PAK5: variants seen among roughly 807,000 people sequenced by gnomAD.
PAK5 encodes the protein p21 (RAC1) activated kinase 5.
Under a neutral mutation model 65.9 loss-of-function variants are expected in PAK5, and 16 were observed. The ratio of observed to expected loss-of-function variants is 0.24; its 90% CI spans 0.16 to 0.37. The LOEUF (loss-of-function observed/expected upper bound fraction) is 0.37. PAK5 is among the 10% of genes least tolerant of loss of function. The pLI is 1.00. For missense variants in PAK5, 785 were observed against 903.9 expected (o/e 0.87, Z 1.69); for synonymous variants, 371 against 354.9 (o/e 1.05, Z -0.51).
chr20:9,585,437 AAT>A lies in PAK5; in HGVS notation c.205-4509_205-4508del, dbSNP rs2046052323. The stretch of plus-strand genomic sequence containing the variant: ...CTTTAGACTCTTTTAGGCTAAACAA[AAT>A]ATTACCAGTAAGCAATGCAACGTTG... On this transcript the variant is annotated intron_variant, in intron 3 of 9. Coordinates refer to ENST00000353224, the MANE Select transcript of PAK5 (RefSeq NM_177990.4). 2.0e-5 allele frequency among the ~76,000 whole-genome samples: 3 copies of A among 152,340 alleles called. No homozygotes were observed. The South Asian group carries it at 6.2e-4, about 32-fold the overall frequency.
chr20:9,801,351 C>G (rs2049166497), intron 1 of PAK5, among the ~76,000 whole-genome samples: 3 of 151,780 alleles, frequency 2.0e-5, no homozygotes, highest in African/African-American at 7.3e-5. Context: ...ATATTTAAAT[C>G]TGGTTCTTAT....
intron 2 of PAK5, among the ~76,000 whole-genome samples, chr20:9,687,153 G>A (rs562839837): frequency 6.6e-6 from 1 of 152,250 alleles, no homozygotes; most frequent in Admixed American, 6.5e-5. Flanking sequence ...TGCTCAGGAT[G>A]GAAAAAAGAG....
intron 3 of PAK5, among the ~76,000 whole-genome samples, chr20:9,613,617 G>C (rs566067997): frequency 6.6e-6 from 1 of 152,222 alleles, no homozygotes; most frequent in African/African-American, 2.4e-5. Flanking sequence ...ATAGCATTTA[G>C]TTCTTAACAA....
chr20:9,553,818 G>A (rs2045467006), intron 7 of PAK5, among the ~76,000 whole-genome samples: 1 of 151,798 alleles, frequency 6.6e-6, no homozygotes, highest in Admixed American at 6.5e-5. Context: ...AAACATTTGT[G>A]TACATGTTTC....
intron 1 of PAK5, among the ~76,000 whole-genome samples, chr20:9,836,291 T>C (rs1408583167): frequency 1.3e-5 from 2 of 152,182 alleles, no homozygotes; most frequent in Admixed American, 1.3e-4. Flanking sequence ...AACCTGTGAA[T>C]ATGACGTTTA....
intron 3 of PAK5, among the ~76,000 whole-genome samples, chr20:9,616,615 G>A (rs2046661593): frequency 6.6e-6 from 1 of 152,200 alleles, no homozygotes; most frequent in South Asian, 2.1e-4. Flanking sequence ...AGCTCCCAGG[G>A]GATGCTGCTG....
chr20:9,659,652 G>A (rs939491499), intron 2 of PAK5, among the ~76,000 whole-genome samples: 2 of 152,150 alleles, frequency 1.3e-5, no homozygotes, highest in Non-Finnish European at 2.9e-5. Flanking sequence ...GGAATTTGCT[G>A]TTACGAGTAA....
intron 1 of PAK5, among the ~76,000 whole-genome samples, chr20:9,827,088 C>T (rs1345405594): frequency 6.6e-6 from 1 of 152,100 alleles, no homozygotes; most frequent in Non-Finnish European, 1.5e-5. Flanking sequence ...AGGGTTTAAT[C>T]TTTCTCTCTA....
At chr20:9,668,246 T>C (rs910860661) in intron 2 of PAK5, among the ~76,000 whole-genome samples, 2 of 152,160 alleles carry the variant, frequency 1.3e-5, no homozygotes, top group Non-Finnish European at 2.9e-5. Flanking sequence ...AAAGTGGTAA[T>C]AGAAACCTAA....
chr20:9,561,620 A>G (rs2045591597), intron 6 of PAK5, among the ~76,000 whole-genome samples: 1 of 152,064 alleles, frequency 6.6e-6, no homozygotes, highest in South Asian at 2.1e-4. Flanking sequence ...TTCAGTGGAG[A>G]AAAAACAGCA....
intron 6 of PAK5, among the ~76,000 whole-genome samples, chr20:9,559,095 G>A (rs899149267): frequency 6.6e-6 from 1 of 152,166 alleles, no homozygotes; most frequent in Admixed American, 6.5e-5. Flanking sequence ...GAATCTAGGT[G>A]AGAATTATTT....
At position 9,646,437 on chromosome 20, in the gene PAK5, A is replaced by G. The variant is rs149345332; in HGVS notation, c.-11-2098T>C. Among the ~76,000 whole-genome samples the G allele has an allele frequency of 6.8e-4, 104 of 152,358 alleles. 1 individual carries two copies. In the East Asian group the frequency reaches 0.019, roughly 27 times the overall value. On this transcript the variant is annotated intron_variant, in intron 2 of 9. Coordinates refer to ENST00000353224, the MANE Select transcript of PAK5 (RefSeq NM_177990.4). Reference sequence around the variant, plus strand: ...GTATAAGGACTTCAACTACCTTGATATATTACCTTTCCTGGAAAATATAGT... The same window carrying G: ...GTATAAGGACTTCAACTACCTTGATGTATTACCTTTCCTGGAAAATATAGT...
At chr20:9,650,236 C>G (rs1049740745) in intron 2 of PAK5, among the ~76,000 whole-genome samples, 4 of 152,190 alleles carry the variant, frequency 2.6e-5, no homozygotes, top group Non-Finnish European at 5.9e-5. Context: ...GTGGTTAATA[C>G]TGCTCATAAT....
intron 2 of PAK5, among the ~76,000 whole-genome samples, chr20:9,690,754 T>A (rs866136275): frequency 2.7e-5 from 3 of 109,794 alleles, no homozygotes; most frequent in Non-Finnish European, 5.2e-5. Context: ...TTCTTTCTTT[T>A]TTTTTTTTTT....
intron 2 of PAK5, among the ~76,000 whole-genome samples, chr20:9,691,333 G>A (rs1435772380): frequency 6.6e-6 from 1 of 152,162 alleles, no homozygotes; most frequent in Non-Finnish European, 1.5e-5. Context: ...GTGGGAGAGA[G>A]TGAGGAAAGG....
At chr20:9,828,149 A>T (rs1320044937) in intron 1 of PAK5, among the ~76,000 whole-genome samples, 1 of 152,098 alleles carries the variant, frequency 6.6e-6, no homozygotes, top group Non-Finnish European at 1.5e-5. Flanking sequence ...TGCAATTTAG[A>T]TACTGCTTGG....
intron 1 of PAK5, among the ~76,000 whole-genome samples, chr20:9,760,273 G>GA (rs1419441746): frequency 6.6e-6 from 1 of 152,080 alleles, no homozygotes; most frequent in Non-Finnish European, 1.5e-5. Flanking sequence ...ACAAAATAGT[G>GA]AAAAAATCTT....
intron 2 of PAK5, among the ~76,000 whole-genome samples, chr20:9,699,068 C>T (rs755535062): frequency 6.6e-6 from 1 of 152,112 alleles, no homozygotes; most frequent in Non-Finnish European, 1.5e-5. Context: ...AGGAACAAAT[C>T]CTTAAAGAAC....
At chr20:9,627,958 C>T (rs149756179) in intron 3 of PAK5, among the ~76,000 whole-genome samples, 233 of 152,288 alleles carry the variant, frequency 1.5e-3, no homozygotes, top group African/African-American at 5.4e-3. Context: ...ACTCTGAGAA[C>T]TCACACTTGT....
Sources: gnomAD v4.1 joint callset for allele counts (sites outside exome capture counted in the v4.1 genomes callset) on GRCh38, gnomAD v4.1.1 for gene constraint, MANE v1.5 for transcripts, NCBI Gene and HGNC (gene_info 2026-07-23, HGNC 2026-07-21) for gene names.